The following PCDH9 variants were observed in gnomAD, a reference collection of about 807,000 sequenced individuals.
The protein encoded by PCDH9 is protocadherin 9.
A neutral mutation model predicts 70.6 loss-of-function variants in PCDH9; 24 were observed. That is an observed-to-expected ratio of 0.34 (90% CI 0.25 to 0.48). The LOEUF is 0.48. Among genes scored for constraint, PCDH9 ranks in the 20% least tolerant of loss-of-function variants. PCDH9 has a pLI of 0.99. For missense variants in PCDH9, 1,281 were observed against 1,503.6 expected (o/e 0.85, Z 2.45); for synonymous variants, 562 against 558.5 (o/e 1.01, Z -0.09).
chr13:66,910,730 C>T (rs2082448725), intron 2 of PCDH9, among the ~76,000 whole-genome samples: 1 of 152,070 alleles, frequency 6.6e-6, no homozygotes, highest in South Asian at 2.1e-4. Flanking sequence ...TCAAACAATT[C>T]TAACAATTTA....
chr13:66,852,891 T>C (rs1224500547), intron 3 of PCDH9, among the ~76,000 whole-genome samples: 1 of 149,738 alleles, frequency 6.7e-6, no homozygotes, highest in Non-Finnish European at 1.5e-5. Context: ...TCCACATATC[T>C]ATACATTTTT....
intron 4 of PCDH9, among the ~76,000 whole-genome samples, chr13:66,454,606 GA>G (rs1566338334): frequency 3.3e-5 from 5 of 152,170 alleles, no homozygotes; most frequent in Non-Finnish European, 5.9e-5. Context: ...TGGAGGACTT[GA>G]ATGGAAGGAG....
intron 2 of PCDH9, chr13:67,210,300 G>A (rs1350905989): frequency 2.0e-5 from 3 of 151,916 alleles, no homozygotes; most frequent in Admixed American, 6.6e-5. Flanking sequence ...TTCAGAAGGG[G>A]AAAATTAATC....
At chr13:66,970,626 G>GAA (rs767546503) in intron 2 of PCDH9, among the ~76,000 whole-genome samples, 2 of 53,396 alleles carry the variant, frequency 3.7e-5, no homozygotes, top group African/African-American at 7.1e-5. Flanking sequence ...GACCCTGTCT[G>GAA]AAAAAAAAAA....
chr13:66,682,449 C>T (rs1327918897), intron 3 of PCDH9, among the ~76,000 whole-genome samples: 2 of 151,722 alleles, frequency 1.3e-5, no homozygotes, highest in African/African-American at 4.8e-5. Flanking sequence ...AGAGAGAGTG[C>T]CTAATTGAGT....
intron 4 of PCDH9, among the ~76,000 whole-genome samples, chr13:66,628,647 T>C (rs1346466096): frequency 6.6e-6 from 1 of 152,186 alleles, no homozygotes; most frequent in Non-Finnish European, 1.5e-5. Context: ...ACTACAAGCA[T>C]GTGCTTCCAT....
At chr13:66,520,539 C>G (rs1959943647) in intron 4 of PCDH9, among the ~76,000 whole-genome samples, 1 of 152,192 alleles carries the variant, frequency 6.6e-6, no homozygotes, top group Admixed American at 6.6e-5. Flanking sequence ...TCCCTGGGAA[C>G]AGACATGCTT....
chr13:66,554,887 C>T (rs375761223), intron 4 of PCDH9, among the ~76,000 whole-genome samples: 5 of 152,016 alleles, frequency 3.3e-5, no homozygotes, highest in Non-Finnish European at 4.4e-5. Flanking sequence ...ATGCTTCTTG[C>T]GGCCGGGCAT....
chr13:66,922,107 T>A (rs1014912701), intron 2 of PCDH9, among the ~76,000 whole-genome samples: 4 of 151,370 alleles, frequency 2.6e-5, no homozygotes, highest in African/African-American at 9.7e-5. Context: ...ATGTCTTCAA[T>A]TTATTATATT....
intron 3 of PCDH9, among the ~76,000 whole-genome samples, chr13:66,829,717 C>CAAAAAAAAAAAA (rs562176354): frequency 0.015 from 780 of 53,094 alleles, 179 homozygotes; most frequent in East Asian, 0.05. Context: ...GACTCCGTCT[C>CAAAAAAAAAAAA]AAAAAAAAAA....
chr13:66,641,767 C>T (rs917795884), intron 3 of PCDH9, among the ~76,000 whole-genome samples: 5 of 151,970 alleles, frequency 3.3e-5, no homozygotes, highest in Non-Finnish European at 7.4e-5. Flanking sequence ...ATAGAAATAT[C>T]GATATGGGTT....
intron 2 of PCDH9, among the ~76,000 whole-genome samples, chr13:67,056,576 G>A (rs533227549): frequency 6.6e-6 from 1 of 152,116 alleles, no homozygotes; most frequent in South Asian, 2.1e-4. Context: ...AAACTGAAGG[G>A]CCCATGTTCT....
intron 3 of PCDH9, among the ~76,000 whole-genome samples, chr13:66,703,711 G>A (rs1218462919): frequency 2.0e-5 from 3 of 151,912 alleles, no homozygotes; most frequent in African/African-American, 7.3e-5. Context: ...CCTGGGCAAC[G>A]TGGTGAGACC....
intron 3 of PCDH9, among the ~76,000 whole-genome samples, chr13:66,787,341 C>A (rs907490361): frequency 1.3e-5 from 2 of 152,040 alleles, no homozygotes; most frequent in Non-Finnish European, 2.9e-5. Flanking sequence ...CTGGGCCAGG[C>A]GTGGTGGCTC....
chr13:66,545,809 C>CTTTATTTTATTTTAT (rs71106977), intron 4 of PCDH9, among the ~76,000 whole-genome samples: 2 of 143,470 alleles, frequency 1.4e-5, no homozygotes, highest in African/African-American at 2.5e-5. Flanking sequence ...TTTTATTTTA[C>CTTTATTTTATTTTAT]TTTATTTTAT....
chr13:67,214,228 G>A (rs2089537574), intron 2 of PCDH9: 1 of 152,138 alleles, frequency 6.6e-6, no homozygotes, highest in African/African-American at 2.4e-5. Context: ...AATAGTAAAA[G>A]CTGTTGGTGA....
chr13:66,523,638 C>T (rs1960092353), intron 4 of PCDH9, among the ~76,000 whole-genome samples: 1 of 151,738 alleles, frequency 6.6e-6, no homozygotes, highest in Non-Finnish European at 1.5e-5. Flanking sequence ...AATGCATATA[C>T]AGGCTGCTCT....
chr13:67,098,806 GA>G (rs1471754589), intron 2 of PCDH9, among the ~76,000 whole-genome samples: 2 of 151,800 alleles, frequency 1.3e-5, no homozygotes, highest in Non-Finnish European at 2.9e-5. Context: ...AAATAATGAA[GA>G]AAAGAAAATA....
chr13:66,703,349 T>C (rs1440962000), intron 3 of PCDH9, among the ~76,000 whole-genome samples: 1 of 152,236 alleles, frequency 6.6e-6, no homozygotes. Context: ...ATTCTGCATT[T>C]ACGTAATGGA....
Sources: gnomAD v4.1 joint callset for allele counts (sites outside exome capture counted in the v4.1 genomes callset) on GRCh38, gnomAD v4.1.1 for gene constraint, MANE v1.5 for transcripts, NCBI Gene and HGNC (gene_info 2026-07-23, HGNC 2026-07-21) for gene names.